The following PRKCB variants were observed in gnomAD, a reference collection of about 807,000 sequenced individuals.
PRKCB encodes protein kinase C beta.
PRKCB carries 13 observed loss-of-function variants against 81.5 expected under a neutral mutation model. The observed-to-expected ratio is 0.16, with a 90% CI of 0.10 to 0.25. The LOEUF (loss-of-function observed/expected upper bound fraction) is 0.25. Among genes scored for constraint, PRKCB ranks in the 10% least tolerant of loss-of-function variants. The pLI is 1.00. For synonymous variants in PRKCB, 335 were observed against 321.4 expected (o/e 1.04, Z -0.45); for missense variants, 509 against 875.7 (o/e 0.58, Z 5.29).
chr16:24,181,700 C>G (rs1967625085), intron 13 of PRKCB, among the ~76,000 whole-genome samples: 1 of 133,510 alleles, frequency 7.5e-6, no homozygotes, highest in African/African-American at 2.8e-5. Flanking sequence ...CCCAGGAGGT[C>G]CAGGCTGCAG....
At chr16:24,097,067 T>C (rs1475524082) in intron 7 of PRKCB, among the ~76,000 whole-genome samples, 5 of 134,984 alleles carry the variant, frequency 3.7e-5, no homozygotes, top group East Asian at 2.2e-4. Flanking sequence ...GACGGAGTCT[T>C]GCTCTGTCAC....
chr16:23,898,092 G>T (rs1448160464), intron 2 of PRKCB, among the ~76,000 whole-genome samples: 1 of 148,112 alleles, frequency 6.8e-6, no homozygotes, highest in Non-Finnish European at 1.5e-5. Flanking sequence ...TTGAGACAGA[G>T]TCTTGCTCTG....
chr16:23,939,983 G>A (rs1281736956), intron 2 of PRKCB, among the ~76,000 whole-genome samples: 2 of 152,068 alleles, frequency 1.3e-5, no homozygotes, highest in Non-Finnish European at 2.9e-5. Context: ...GATACATAAA[G>A]AGCCCTCAAG....
chr16:23,945,608 C>G (rs1964195709), intron 2 of PRKCB, among the ~76,000 whole-genome samples: 1 of 151,986 alleles, frequency 6.6e-6, no homozygotes, highest in Non-Finnish European at 1.5e-5. Context: ...TCCTAGAAGT[C>G]ACAGGCCAGA....
chr16:24,069,810 T>C (rs1966085155), intron 5 of PRKCB, among the ~76,000 whole-genome samples: 1 of 152,236 alleles, frequency 6.6e-6, no homozygotes, highest in African/African-American at 2.4e-5. Context: ...TCATTGTTAT[T>C]GTCATGACAT....
At chr16:24,105,829 A>G (rs1299433821) in intron 7 of PRKCB, among the ~76,000 whole-genome samples, 10 of 152,218 alleles carry the variant, frequency 6.6e-5, no homozygotes, top group Non-Finnish European at 1.2e-4. Context: ...TAGTGCTGCA[A>G]TAAACATACA....
chr16:23,955,779 C>G (rs191706817), intron 2 of PRKCB, among the ~76,000 whole-genome samples: 2 of 152,210 alleles, frequency 1.3e-5, no homozygotes, highest in Non-Finnish European at 2.9e-5. Flanking sequence ...CAGGGGCTTC[C>G]GACAGAAGTG....
chr16:23,956,100 A>AAG (rs910186464), intron 2 of PRKCB, among the ~76,000 whole-genome samples: 7 of 152,146 alleles, frequency 4.6e-5, no homozygotes, highest in African/African-American at 1.7e-4. Context: ...TAAACAAAAA[A>AAG]AGAGATCATA....
At chr16:24,033,934 G>A (rs1359855670) in intron 4 of PRKCB, among the ~76,000 whole-genome samples, 1 of 152,060 alleles carries the variant, frequency 6.6e-6, no homozygotes, top group Non-Finnish European at 1.5e-5. Context: ...TGGAGAAAGG[G>A]AGAGACAAAG....
intron 2 of PRKCB, among the ~76,000 whole-genome samples, chr16:23,886,955 G>C (rs1442264535): frequency 6.6e-6 from 1 of 151,994 alleles, no homozygotes; most frequent in Non-Finnish European, 1.5e-5. Context: ...TTTCTTGGGG[G>C]GTCACTGGGG....
intron 5 of PRKCB, among the ~76,000 whole-genome samples, chr16:24,068,206 T>A (rs1966062099): frequency 6.6e-6 from 1 of 152,178 alleles, no homozygotes; most frequent in Admixed American, 6.5e-5. Flanking sequence ...TGACAAAACC[T>A]CTCAGCTGAT....
intron 2 of PRKCB, among the ~76,000 whole-genome samples, chr16:23,885,105 A>G (rs1410055740): frequency 6.6e-6 from 1 of 152,200 alleles, no homozygotes; most frequent in Non-Finnish European, 1.5e-5. Context: ...ATAAGTAATA[A>G]TGATACATGT....
intron 14 of PRKCB, 100 bp downstream of exon 14, chr16:24,185,291 A>T (rs907607722): frequency 4.6e-6 from 6 of 1,300,200 alleles, no homozygotes; most frequent in Admixed American, 2.0e-5. Context: ...CATAAATTGG[A>T]ACCTCTATGA....
Position 23,948,618 on chromosome 16 carries a change from G to T in PRKCB, c.206-39890G>T, listed in dbSNP as rs532551182. Among the ~76,000 whole-genome samples the T allele has an allele frequency of 4.5e-4, 69 of 152,212 alleles. 1 individual carries two copies. The South Asian group carries it at 0.011, about 24-fold the overall frequency. On this transcript the variant is annotated intron_variant, in intron 2 of 16. Transcript: ENST00000643927. ...TAATAAGGTTCACCATGTTGGCCAGGCTGGTCTCAAACTCCTGACCTCAAG... is the reference window on the plus strand; with the variant it reads ...TAATAAGGTTCACCATGTTGGCCAGTCTGGTCTCAAACTCCTGACCTCAAG...
At chr16:23,945,941 T>C (rs1348572939) in intron 2 of PRKCB, among the ~76,000 whole-genome samples, 1 of 152,022 alleles carries the variant, frequency 6.6e-6, no homozygotes, top group Non-Finnish European at 1.5e-5. Flanking sequence ...GAGGAATATA[T>C]ATTGGGCAAC....
At chr16:24,089,298 G>A (rs563493375) in intron 5 of PRKCB, among the ~76,000 whole-genome samples, 136 of 152,262 alleles carry the variant, frequency 8.9e-4, no homozygotes, top group Non-Finnish European at 4.1e-4. Context: ...CTGTGGGGGT[G>A]GGTGCCAGAT....
intron 2 of PRKCB, among the ~76,000 whole-genome samples, chr16:23,849,693 T>A (rs12446874): frequency 0.24 from 31,840 of 131,788 alleles, 3,461 homozygotes; most frequent in East Asian, 0.38. Context: ...TAGCTTTTTT[T>A]AAAAAAACTA....
At chr16:24,048,897 A>G (rs1965799589) in intron 5 of PRKCB, among the ~76,000 whole-genome samples, 1 of 151,944 alleles carries the variant, frequency 6.6e-6, no homozygotes, top group Admixed American at 6.6e-5. Context: ...CCTTCTCTCC[A>G]TTATATGGTG....
At chr16:24,137,150 A>C (rs994213988) in intron 9 of PRKCB, among the ~76,000 whole-genome samples, 4 of 151,908 alleles carry the variant, frequency 2.6e-5, no homozygotes, top group Admixed American at 6.6e-5. Context: ...TGGCCTCCCA[A>C]AGTGCTGGGA....
Sources: gnomAD v4.1 joint callset for allele counts (sites outside exome capture counted in the v4.1 genomes callset) on GRCh38, gnomAD v4.1.1 for gene constraint, MANE v1.5 for transcripts, NCBI Gene and HGNC (gene_info 2026-07-23, HGNC 2026-07-21) for gene names.